Variants in LEMD2 observed in about 807,000 individuals in gnomAD.
LEMD2 encodes LEM domain nuclear envelope protein 2.
In LEMD2, 34 loss-of-function variants were observed where a neutral mutation model predicts 58.8. The ratio of observed to expected loss-of-function variants is 0.58; its 90% CI spans 0.44 to 0.77. LEMD2 has a LOEUF of 0.77. Ranked by LOEUF, LEMD2 falls within the 30% of genes least tolerant of loss-of-function variation. The pLI, the probability that LEMD2 is intolerant of heterozygous loss-of-function variation, is 0.00. For missense variants in LEMD2, 629 were observed against 717.9 expected (o/e 0.88, Z 1.42); for synonymous variants, 298 against 308.9 (o/e 0.96, Z 0.37).
rs1309833207 is a variant in LEMD2 at position 33,788,787 on chromosome 6, G to T, written c.330C>A (p.Ser110=). The stretch of plus-strand genomic sequence containing the variant: ...CGCGGCTCCCTACCCAGGAAGCCGC[G>T]GAGGGCCGGATATCACCGTAGGCCC... ...TPGAYGDIRP[S]AASWVGSRGL... is the part of the protein sequence containing the mutation. Residue 110 remains serine (S), a synonymous_variant, in exon 1 of 9, where the codon TCC becomes TCA. Transcript: ENST00000293760. 2 of 1,453,160 alleles carry T rather than the reference G, an allele frequency of 1.4e-6. No homozygotes were observed. The highest frequency in any genetic ancestry group is 1.8e-6 in the Non-Finnish European group (2 of 1,105,030). The allele number at this position is 1,453,160 out of a possible 1,614,324, so 90.0% of individuals were successfully genotyped here. A position where few individuals can be genotyped will look rare whatever the true frequency, so the allele number is the denominator to read the frequency against.
intron 2 of LEMD2, 137 bp downstream of exon 2, chr6:33,786,597 G>T: frequency 1.5e-6 from 1 of 688,848 alleles, no homozygotes; most frequent in Non-Finnish European, 2.5e-6. Context: ...GAACATCACA[G>T]AACACAATGT....
At chr6:33,780,022 G>A in intron 5 of LEMD2, 78 bp downstream of exon 5, 1 of 1,251,594 alleles carries the variant, frequency 8.0e-7, no homozygotes, top group South Asian at 1.3e-5. Context: ...CAGCTCTGTT[G>A]GAGCACGGGT....
intron 2 of LEMD2, among the ~76,000 whole-genome samples, chr6:33,785,580 A>G (rs2127382881): frequency 6.6e-6 from 1 of 152,324 alleles, no homozygotes; most frequent in South Asian, 2.1e-4. Flanking sequence ...AAGGACCAAG[A>G]AATAGAAACC....
chr6:33,777,908 G>A (rs1025030874), intron 6 of LEMD2, among the ~76,000 whole-genome samples: 7 of 152,286 alleles, frequency 4.6e-5, no homozygotes, highest in African/African-American at 1.7e-4. Flanking sequence ...CCTCCTGCTC[G>A]AAGCTGGTCC....
intron 1 of LEMD2, among the ~76,000 whole-genome samples, chr6:33,787,580 T>G (rs1225416719): frequency 6.6e-6 from 1 of 152,236 alleles, no homozygotes; most frequent in East Asian, 1.9e-4. Context: ...GTATTAAAAG[T>G]TGGTGAACTA....
chr6:33,788,744 G>A lies in LEMD2; in HGVS notation c.373C>T (p.Arg125Cys). The change falls in exon 1 of 9, where the codon CGC becomes TGC. Residue 125 changes from arginine (R) to cysteine (C), a missense_variant. Arg to Cys is a radical substitution (Grantham distance 180, BLOSUM62 -3). This residue lies in a region of LEMD2 where 386 missense variants were observed against 381.1 expected (regional missense o/e 1.01). Transcript: ENST00000293760. Reference protein sequence around the residue: ...VGSRGLAYPARPAQLRRRASV... With the variant: ...VGSRGLAYPACPAQLRRRASV... ...GCGCGGCGCCTGAGTTGCGCCGGGCGGGCAGGATAGGCGAGGCCGCGGCTC... is the reference window on the plus strand; with the variant it reads ...GCGCGGCGCCTGAGTTGCGCCGGGCAGGCAGGATAGGCGAGGCCGCGGCTC... The A allele has an allele frequency of 1.4e-6, 2 of 1,439,196 alleles. No individual in the cohort carries two copies. Among genetic ancestry groups the A allele is most frequent in the Non-Finnish European group, 1.8e-6 (2 of 1,097,842 alleles). 89.2% of individuals were successfully genotyped at this position (1,439,196 alleles called of 1,614,324 possible).
At chr6:33,779,445 AGAGACCCCCACAAACACC>A (rs1767514199) in intron 5 of LEMD2, 1 of 152,240 alleles carries the variant, frequency 6.6e-6, no homozygotes, top group Non-Finnish European at 1.5e-5. Flanking sequence ...TAACCTGAAC[AGAGACCCCCACAAACACC>A]GAGAGTGGGA....
At chr6:33,774,257 C>T (rs1375167788) in intron 8 of LEMD2, among the ~76,000 whole-genome samples, 7 of 150,712 alleles carry the variant, frequency 4.6e-5, no homozygotes, top group African/African-American at 1.2e-4. Flanking sequence ...CTGCAACTTC[C>T]GCCTCCCGGG....
At chr6:33,784,269 G>A in intron 3 of LEMD2, 83 bp downstream of exon 3, 1 of 1,064,286 alleles carries the variant, frequency 9.4e-7, no homozygotes, top group Non-Finnish European at 1.5e-6. Context: ...CTGGCCAGCA[G>A]CAGTGTAACT....
intron 8 of LEMD2, among the ~76,000 whole-genome samples, chr6:33,773,533 G>C (rs975218955): frequency 5.3e-5 from 8 of 151,748 alleles, no homozygotes; most frequent in African/African-American, 1.9e-4. Context: ...CAGTGACTGT[G>C]AGTGTGTACG....
In LEMD2 at chr6:33,771,596, G is replaced by A. The variant is rs1276199072; in HGVS notation, c.*1032C>T. The A allele has an allele frequency of 1.3e-5, 2 of 152,242 alleles. No individual in the cohort carries two copies. The highest frequency in any genetic ancestry group is 1.9e-4 in the East Asian group (1 of 5,186). The allele number at this position is 152,242 out of a possible 1,614,324, so 9.4% of individuals were successfully genotyped here. ...GGCCCCCCGTCGGGGTGCTTCTGGA[G>A]CCTGCCTCCCAGGGAGCAGGCTGAG... On this transcript the variant is annotated 3_prime_UTR_variant, in exon 9 of 9. Transcript: ENST00000293760.
chr6:33,788,475 C>T lies in LEMD2; in HGVS notation c.642G>A (p.Leu214=). 2 of 1,557,930 alleles carry T rather than the reference C, an allele frequency of 1.3e-6. No individual in the cohort carries two copies. The highest frequency in any genetic ancestry group is 2.5e-5 in the East Asian group (1 of 40,684). Residue 214 remains leucine, a synonymous_variant, in exon 1 of 9, where the codon CTG becomes CTA. Coordinates refer to ENST00000293760, the MANE Select transcript of LEMD2 (RefSeq NM_181336.4). ...RRLERWLSRL[L]LWASLGLLLV... ...GCAGTAGCCCTAGGCTGGCCCAGAGCAGAAGCCGAGAGAGCCAGCGCTCCA... is the reference window on the plus strand; with the variant it reads ...GCAGTAGCCCTAGGCTGGCCCAGAGTAGAAGCCGAGAGAGCCAGCGCTCCA...
chr6:33,779,587 T>C (rs1767518073), intron 5 of LEMD2: 1 of 152,642 alleles, frequency 6.6e-6, no homozygotes, highest in African/African-American at 2.4e-5. Context: ...CCTTTCAGCC[T>C]CATGAAAGGG....
Position 33,784,289 on chromosome 6 carries a change from G to A in LEMD2, c.853+63C>T, listed in dbSNP as rs938021517. 7 of 1,288,896 alleles carry A rather than the reference G, an allele frequency of 5.4e-6. No homozygotes were observed. The Admixed American group carries it at 6.7e-5, about 12-fold the overall frequency. The allele number at this position is 1,288,896 out of a possible 1,614,324, so 79.8% of individuals were successfully genotyped here. The stretch of plus-strand genomic sequence containing the variant: ...CAGCAGCAGTGTAACTAAGCCTGAT[G>A]AACCGGGTCAGCCGCCCATAGCTCT... On this transcript the variant is annotated intron_variant, in intron 3 of 8. Transcript: ENST00000293760.
At chr6:33,783,482 G>A (rs1460373028) in intron 3 of LEMD2, among the ~76,000 whole-genome samples, 1 of 152,204 alleles carries the variant, frequency 6.6e-6, no homozygotes, top group Non-Finnish European at 1.5e-5. Context: ...CAGGTAAGAG[G>A]CGCCTCTTGA....
chr6:33,772,946 G>A (rs1336278805), intron 8 of LEMD2, among the ~76,000 whole-genome samples, 168 bp from the exon 9 acceptor site: 1 of 152,164 alleles, frequency 6.6e-6, no homozygotes, highest in African/African-American at 2.4e-5. Context: ...AAACGTCTTG[G>A]GCCATAGAGA....
At chr6:33,782,424 G>A (rs1767585599) in intron 3 of LEMD2, among the ~76,000 whole-genome samples, 1 of 152,154 alleles carries the variant, frequency 6.6e-6, no homozygotes. Flanking sequence ...CTATGGTAGG[G>A]CCCAACCAAC....
chr6:33,782,583 C>T (rs1767588255), intron 3 of LEMD2, among the ~76,000 whole-genome samples: 2 of 152,256 alleles, frequency 1.3e-5, no homozygotes, highest in Non-Finnish European at 2.9e-5. Context: ...ACAGATGCTA[C>T]CTCCTGTGAC....
chr6:33,786,719 G>A lies in LEMD2; in HGVS notation c.777+15C>T, dbSNP rs1582263744. 6.2e-7 allele frequency: 1 copy of A among 1,606,088 alleles called. No homozygotes were observed. Among genetic ancestry groups the A allele is most frequent in the East Asian group, 2.2e-5 (1 of 44,838 alleles). ...CTCAGGAAGAATAATAAAAACCAGA[G>A]AAACTCAAACTCACCTCATCTGTTT... On this transcript the variant is annotated intron_variant, in intron 2 of 8. Transcript: ENST00000293760.
Sources: gnomAD v4.1 joint callset for allele counts (sites outside exome capture counted in the v4.1 genomes callset) on GRCh38, gnomAD v4.1.1 for gene constraint, gnomAD v4.1.1 regional missense constraint, MANE v1.5 for transcripts, NCBI Gene and HGNC (gene_info 2026-07-23, HGNC 2026-07-21) for gene names.